The following ANKRD44 variants were observed in gnomAD, a reference collection of about 807,000 sequenced individuals.
The protein encoded by ANKRD44 is serine/threonine-protein phosphatase 6 regulatory ankyrin repeat subunit B.
A neutral mutation model predicts 116.0 loss-of-function variants in ANKRD44; 35 were observed. The ratio of observed to expected loss-of-function variants is 0.30; its 90% CI spans 0.23 to 0.40. The LOEUF (loss-of-function observed/expected upper bound fraction) is 0.40. Among genes scored for constraint, ANKRD44 ranks in the 10% least tolerant of loss-of-function variants. The pLI is 1.00. For synonymous variants in ANKRD44, 435 were observed against 461.8 expected, an observed-to-expected ratio of 0.94 and a Z score of 0.74; for missense variants, 1,014 against 1,242.6, an observed-to-expected ratio of 0.82 and a Z score of 2.77.
chr2:196,997,480 A>G (rs529039691), intron 25 of ANKRD44, among the ~76,000 whole-genome samples: 4 of 129,600 alleles, frequency 3.1e-5, no homozygotes, highest in African/African-American at 9.2e-5. Flanking sequence ...ATGGAGTTTC[A>G]CTCTTGTTGT....
intron 2 of ANKRD44, among the ~76,000 whole-genome samples, chr2:197,151,081 CTT>C (rs548163806): frequency 2.3e-5 from 3 of 132,748 alleles, no homozygotes; most frequent in Non-Finnish European, 1.6e-5. Context: ...TGGGAATTTA[CTT>C]TTTTTTTTTT....
intron 16 of ANKRD44, among the ~76,000 whole-genome samples, chr2:197,076,103 A>G (rs1459139841): frequency 6.6e-6 from 1 of 152,186 alleles, no homozygotes; most frequent in Non-Finnish European, 1.5e-5. Flanking sequence ...GGCCAGAAGC[A>G]TAGGCTGGGA....
At chr2:197,171,987 G>A (rs1330844134) in intron 2 of ANKRD44, among the ~76,000 whole-genome samples, 3 of 127,486 alleles carry the variant, frequency 2.4e-5, no homozygotes, top group Non-Finnish European at 3.3e-5. Context: ...TACCATGTCC[G>A]TTATTTTTCT....
intron 2 of ANKRD44, among the ~76,000 whole-genome samples, chr2:197,147,592 G>A (rs2079537479): frequency 6.6e-6 from 1 of 151,916 alleles, no homozygotes; most frequent in Non-Finnish European, 1.5e-5. Flanking sequence ...ATTGTTGTTT[G>A]GACCACTGCC....
At position 197,201,854 on chromosome 2, in the gene ANKRD44, A is replaced by T. The variant is rs182951948; in HGVS notation, c.28-14748T>A. Among the ~76,000 whole-genome samples, 144 of 152,264 alleles carry T rather than the reference A, an allele frequency of 9.5e-4. No homozygotes were observed. Among genetic ancestry groups the T allele is most frequent in the African/African-American group, 3.3e-3 (139 of 41,540 alleles). ...CATCCTGCCCCCTTTTGGGATTCAC[A>T]GTGTTTACTATTCCCATCTTTGTGT... On this transcript the variant is annotated intron_variant, in intron 1 of 27. Transcript: ENST00000282272. This position sits in a 1 kb window ranked among gnomAD's most constrained non-coding sequence, Gnocchi z 4.0.
rs563611660 is a variant in ANKRD44 at position 197,001,926 on chromosome 2, T to C, written c.2348-86A>G. The C allele has an allele frequency of 1.1e-5, 11 of 988,908 alleles. No homozygotes were observed. In the Admixed American group the frequency reaches 2.5e-4, roughly 22 times the overall value. 61.3% of individuals were successfully genotyped at this position (988,908 alleles called of 1,614,324 possible). A position where few individuals can be genotyped will look rare whatever the true frequency, so the allele number is the denominator to read the frequency against. Reference sequence around the variant, plus strand: ...TGCTTTTTCATTAAGTATTGAGTTTTTGGTTTATGAATTTTCCTGAATTGG... The same window carrying C: ...TGCTTTTTCATTAAGTATTGAGTTTCTGGTTTATGAATTTTCCTGAATTGG... On this transcript the variant is annotated intron_variant, in intron 21 of 27. Coordinates refer to ENST00000282272, the MANE Select transcript of ANKRD44 (RefSeq NM_001195144.2).
chr2:197,294,476 T>C (rs1483958371), intron 1 of ANKRD44, among the ~76,000 whole-genome samples: 1 of 152,066 alleles, frequency 6.6e-6, no homozygotes, highest in East Asian at 1.9e-4. Flanking sequence ...ATAACTCAAA[T>C]GACTCTGGAA....
intron 2 of ANKRD44, among the ~76,000 whole-genome samples, chr2:197,177,412 C>T (rs1004587348): frequency 6.6e-6 from 1 of 152,154 alleles, no homozygotes; most frequent in South Asian, 2.1e-4. Flanking sequence ...AGAGCCCTTG[C>T]AATATGTAAA....
intron 1 of ANKRD44, among the ~76,000 whole-genome samples, chr2:197,279,287 C>T (rs1316754993): frequency 1.3e-5 from 2 of 152,162 alleles, no homozygotes; most frequent in Non-Finnish European, 2.9e-5. Flanking sequence ...AATAAAACGT[C>T]ATTTGTCCTT....
chr2:197,006,168 C>T (rs1014360082), intron 20 of ANKRD44, among the ~76,000 whole-genome samples: 1 of 152,118 alleles, frequency 6.6e-6, no homozygotes, highest in East Asian at 1.9e-4. Flanking sequence ...TGCGGCCGGG[C>T]GTGGTGGCTC....
intron 1 of ANKRD44, among the ~76,000 whole-genome samples, chr2:197,247,662 G>A (rs528547009): frequency 2.0e-5 from 3 of 152,280 alleles, no homozygotes; most frequent in African/African-American, 7.2e-5. Context: ...CCATTTGGCT[G>A]ATGAGGAAAC....
intron 2 of ANKRD44, among the ~76,000 whole-genome samples, chr2:197,169,993 T>A (rs2080189426): frequency 6.6e-6 from 1 of 152,004 alleles, no homozygotes; most frequent in Non-Finnish European, 1.5e-5. Context: ...AGTTCAAGAC[T>A]AGCCTGGGCA....
At chr2:197,263,507 T>C (rs2082664428) in intron 1 of ANKRD44, 1 of 374,526 alleles carries the variant, frequency 2.7e-6, no homozygotes, top group South Asian at 3.6e-5. Context: ...TGCCTGATGG[T>C]GGCCTTTCTC....
intron 1 of ANKRD44, among the ~76,000 whole-genome samples, chr2:197,238,167 C>A (rs1335444686): frequency 6.6e-6 from 1 of 152,178 alleles, no homozygotes; most frequent in African/African-American, 2.4e-5. Flanking sequence ...TCATTAATAT[C>A]CATCTTCTAC....
intron 17 of ANKRD44, 105 bp downstream of exon 17, chr2:197,025,091 C>T: frequency 8.9e-7 from 1 of 1,124,520 alleles, no homozygotes; most frequent in East Asian, 2.4e-5. Context: ...CTTTCACTAC[C>T]ACTCATCACT....
At chr2:197,269,219 C>A (rs1020143734) in intron 1 of ANKRD44, among the ~76,000 whole-genome samples, 1 of 152,122 alleles carries the variant, frequency 6.6e-6, no homozygotes, top group Non-Finnish European at 1.5e-5. Flanking sequence ...AACATTTTAT[C>A]CCTGCCCTGT....
At chr2:197,256,230 T>C (rs13390253) in intron 1 of ANKRD44, among the ~76,000 whole-genome samples, 15,577 of 152,268 alleles carry the variant, frequency 0.1, 859 homozygotes, top group Middle Eastern at 0.13. Context: ...CTAGTGACTG[T>C]CCAACAGTGG....
At chr2:197,196,559 A>C (rs2080953196) in intron 1 of ANKRD44, among the ~76,000 whole-genome samples, 1 of 152,222 alleles carries the variant, frequency 6.6e-6, no homozygotes, top group African/African-American at 2.4e-5. Flanking sequence ...GTCCTTTAAA[A>C]ACAACAACAA....
At chr2:197,027,101 C>A (rs972989996) in intron 16 of ANKRD44, among the ~76,000 whole-genome samples, 2 of 152,024 alleles carry the variant, frequency 1.3e-5, no homozygotes, top group Non-Finnish European at 2.9e-5. Flanking sequence ...TGGCTCATGT[C>A]TGTAATCCCA....
Sources: allele counts gnomAD v4.1 joint callset (sites outside exome capture counted in the v4.1 genomes callset), GRCh38; gene constraint gnomAD v4.1.1; non-coding constraint Gnocchi (gnomAD v3.1); transcripts MANE v1.5; gene names NCBI Gene and HGNC (gene_info 2026-07-23, HGNC 2026-07-21).